Variants in CNTNAP5 observed in about 807,000 individuals in gnomAD.
CNTNAP5 encodes contactin-associated protein-like 5.
A neutral mutation model predicts 150.2 loss-of-function variants in CNTNAP5; 72 were observed. That is an observed-to-expected ratio of 0.48 (90% CI 0.40 to 0.58). The LOEUF (loss-of-function observed/expected upper bound fraction) is 0.58. CNTNAP5 is among the 20% of genes least tolerant of loss of function. CNTNAP5 has a pLI of 0.00. For synonymous variants in CNTNAP5, 672 were observed against 619.8 expected, an observed-to-expected ratio of 1.08 and a Z score of -1.25; for missense variants, 1,636 against 1,626.2, an observed-to-expected ratio of 1.01 and a Z score of -0.10.
chr2:124,408,911 G>A (rs1297510381), intron 3 of CNTNAP5, among the ~76,000 whole-genome samples: 1 of 150,586 alleles, frequency 6.6e-6, no homozygotes, highest in Non-Finnish European at 1.5e-5. Context: ...GCTGAGAGAA[G>A]GAGGCTTCAG....
At chr2:124,548,314 G>T (rs1695558316) in intron 10 of CNTNAP5, among the ~76,000 whole-genome samples, 2 of 152,108 alleles carry the variant, frequency 1.3e-5, no homozygotes, top group Non-Finnish European at 2.9e-5. Flanking sequence ...GTGGCCACCA[G>T]CAGTTTTATG....
intron 5 of CNTNAP5, among the ~76,000 whole-genome samples, chr2:124,443,554 G>A (rs1692727512): frequency 6.6e-6 from 1 of 152,060 alleles, no homozygotes; most frequent in African/African-American, 2.4e-5. Flanking sequence ...TGGGGCTATG[G>A]AAGATGAGCA....
chr2:124,123,270 G>A (rs954224059), intron 1 of CNTNAP5, among the ~76,000 whole-genome samples: 4 of 152,182 alleles, frequency 2.6e-5, no homozygotes, highest in African/African-American at 9.7e-5. Flanking sequence ...GCCTGGCTCG[G>A]AGGGTCCCAC....
chr2:124,651,020 G>A (rs1490551322), intron 13 of CNTNAP5, among the ~76,000 whole-genome samples: 1 of 152,182 alleles, frequency 6.6e-6, no homozygotes, highest in Non-Finnish European at 1.5e-5. Flanking sequence ...AATGCATCAA[G>A]GTTGTACCAA....
At chr2:124,854,853 T>C (rs1272599247) in intron 19 of CNTNAP5, among the ~76,000 whole-genome samples, 2 of 152,152 alleles carry the variant, frequency 1.3e-5, no homozygotes, top group African/African-American at 4.8e-5. Flanking sequence ...AAAAGAAAGA[T>C]GTTATTAGTC....
At chr2:124,400,511 G>A (rs749579552) in intron 3 of CNTNAP5, among the ~76,000 whole-genome samples, 10 of 152,052 alleles carry the variant, frequency 6.6e-5, no homozygotes, top group Non-Finnish European at 1.0e-4. Context: ...CCTCTCCCTA[G>A]CTCTGGGCCT....
chr2:124,580,907 G>C (rs976480645), intron 11 of CNTNAP5, among the ~76,000 whole-genome samples: 1 of 152,184 alleles, frequency 6.6e-6, no homozygotes, highest in African/African-American at 2.4e-5. Flanking sequence ...TCTTTATACA[G>C]GGAGTGAGGA....
At position 124,460,525 on chromosome 2, in the gene CNTNAP5, T is replaced by C. The variant is rs369684185; in HGVS notation, c.918+13588T>C. ...CATCATCTCTAGTCCAGCCATAGAATTTAAGCTCATCATAAAGGTTGAGAT... is the reference window on the plus strand; with the variant it reads ...CATCATCTCTAGTCCAGCCATAGAACTTAAGCTCATCATAAAGGTTGAGAT... On this transcript the variant is annotated intron_variant, in intron 6 of 23. Transcript: ENST00000682447. Among the ~76,000 whole-genome samples the C allele has an allele frequency of 1.4e-3, 206 of 152,316 alleles. 1 individual carries two copies. The highest frequency in any genetic ancestry group is 4.9e-3 in the African/African-American group (203 of 41,586).
chr2:124,423,325 T>C lies in CNTNAP5; in HGVS notation c.529+5735T>C, dbSNP rs1177864041. 5.3e-5 allele frequency among the ~76,000 whole-genome samples: 8 copies of C among 151,632 alleles called. No individual in the cohort carries two copies. In the East Asian group the frequency reaches 1.2e-3, roughly 22 times the overall value. On this transcript the variant is annotated intron_variant, in intron 4 of 23. Coordinates refer to ENST00000682447, the MANE Select transcript of CNTNAP5 (RefSeq NM_001367498.1). ...AGGCTGCTCACCAAACTTCCCTATA[T>C]TTTTTTTTCCCACTCTTACTCAGGA...
chr2:124,451,127 A>G (rs1207081988), intron 6 of CNTNAP5, among the ~76,000 whole-genome samples: 4 of 147,648 alleles, frequency 2.7e-5, no homozygotes, highest in Admixed American at 6.8e-5. Context: ...ACACAAATAT[A>G]TAATGTATAT....
chr2:124,741,328 C>T (rs960129579), intron 13 of CNTNAP5, among the ~76,000 whole-genome samples: 1 of 152,200 alleles, frequency 6.6e-6, no homozygotes, highest in East Asian at 1.9e-4. Flanking sequence ...CGGGAAGAGG[C>T]CAGATTCTCT....
chr2:124,146,190 C>G (rs1218965951), intron 1 of CNTNAP5, among the ~76,000 whole-genome samples: 2 of 152,102 alleles, frequency 1.3e-5, no homozygotes, highest in African/African-American at 4.8e-5. Flanking sequence ...GGTGTCTTTA[C>G]CACCGGAAGC....
intron 12 of CNTNAP5, among the ~76,000 whole-genome samples, chr2:124,624,695 T>G (rs2105001067): frequency 6.6e-6 from 1 of 152,342 alleles, no homozygotes; most frequent in East Asian, 1.9e-4. Context: ...TGTAAATGGA[T>G]ATTTTGCACA....
chr2:124,478,429 C>T (rs564245997), intron 7 of CNTNAP5, among the ~76,000 whole-genome samples: 2 of 152,262 alleles, frequency 1.3e-5, no homozygotes, highest in South Asian at 2.1e-4. Context: ...TTAACCTTCA[C>T]AATTTAGAAG....
intron 13 of CNTNAP5, among the ~76,000 whole-genome samples, chr2:124,695,682 C>T (rs1049086391): frequency 1.3e-5 from 2 of 152,154 alleles, no homozygotes; most frequent in Non-Finnish European, 2.9e-5. Flanking sequence ...CGAAAGGAAT[C>T]TGGTCAGCTG....
intron 1 of CNTNAP5, among the ~76,000 whole-genome samples, chr2:124,160,149 T>C (rs1362244552): frequency 6.6e-6 from 1 of 152,126 alleles, no homozygotes; most frequent in Non-Finnish European, 1.5e-5. Context: ...GCAGATGGTA[T>C]AATTCTAGTC....
chr2:124,421,980 C>G (rs927984246), intron 4 of CNTNAP5, among the ~76,000 whole-genome samples: 1 of 152,186 alleles, frequency 6.6e-6, no homozygotes, highest in African/African-American at 2.4e-5. Context: ...TACTTCTTTC[C>G]TGTTTACCTA....
At chr2:124,672,786 T>C (rs912623086) in intron 13 of CNTNAP5, among the ~76,000 whole-genome samples, 2 of 152,062 alleles carry the variant, frequency 1.3e-5, no homozygotes, top group Non-Finnish European at 2.9e-5. Context: ...AAGACTAAAA[T>C]ATGAGTAGGA....
intron 1 of CNTNAP5, among the ~76,000 whole-genome samples, chr2:124,039,463 G>GCC (rs1336987859): frequency 6.6e-6 from 1 of 152,174 alleles, no homozygotes; most frequent in Non-Finnish European, 1.5e-5. Context: ...ACCGCTTCAA[G>GCC]CCTCTGTCTC....
Sources: allele counts gnomAD v4.1 joint callset (sites outside exome capture counted in the v4.1 genomes callset), GRCh38; gene constraint gnomAD v4.1.1; transcripts MANE v1.5; gene names NCBI Gene and HGNC (gene_info 2026-07-23, HGNC 2026-07-21).